IARS1: variants seen among roughly 807,000 people sequenced by gnomAD.
IARS1 encodes isoleucine--tRNA ligase, cytoplasmic.
Under a neutral mutation model 168.2 loss-of-function variants are expected in IARS1, and 124 were observed. That is an observed-to-expected ratio of 0.74 (90% CI 0.64 to 0.86). The LOEUF is 0.86. Among genes scored for constraint, IARS1 ranks in the 40% least tolerant of loss-of-function variants. The pLI is 0.00. For missense variants in IARS1, 1,452 were observed against 1,515.8 expected, an observed-to-expected ratio of 0.96 and a Z score of 0.70; for synonymous variants, 532 against 529.4, an observed-to-expected ratio of 1.00 and a Z score of -0.07.
At chr9:92,227,619 C>T (rs1395421667) in intron 31 of IARS1, among the ~76,000 whole-genome samples, 28 of 149,634 alleles carry the variant, frequency 1.9e-4, no homozygotes, top group African/African-American at 2.5e-4. Context: ...ACTTCTCAGA[C>T]GGGGCGGTTG....
intron 19 of IARS1, among the ~76,000 whole-genome samples, chr9:92,258,653 G>A (rs1335362858): frequency 6.6e-6 from 1 of 152,130 alleles, no homozygotes; most frequent in Admixed American, 6.5e-5. Context: ...GCAGGCTAGG[G>A]CCCATGGTCT....
At chr9:92,257,914 C>G (rs752024978) in intron 19 of IARS1, among the ~76,000 whole-genome samples, 2 of 152,144 alleles carry the variant, frequency 1.3e-5, no homozygotes, top group African/African-American at 4.8e-5. Context: ...AGGTGATGGA[C>G]GCTGACAATG....
rs902179726 is a variant in IARS1, at chr9:92,210,815, C to T, written c.3781G>A (p.Asp1261Asn). Reference sequence around the variant, plus strand: ...ACATTGATAAGTACATGCTAGAAGTCTGCTGTTGTTGGTAACACAGAAACA... The same window carrying T: ...ACATTGATAAGTACATGCTAGAAGTTTGCTGTTGTTGGTAACACAGAAACA... ...VYVSVLPTTADF is the reference protein window; with the variant it reads ...VYVSVLPTTANF Residue 1261 changes from aspartate (D) to asparagine (N), a missense_variant, in exon 34 of 34, where the codon GAC becomes AAC. Transcript: ENST00000443024. The T allele has an allele frequency of 6.2e-7, 1 of 1,603,114 alleles. No homozygotes were observed. Among genetic ancestry groups the T allele is most frequent in the African/African-American group, 1.3e-5 (1 of 74,672 alleles).
rs1564171483 is a variant in IARS1, at chr9:92,250,779, A to G, written c.2363T>C (p.Ile788Thr). 6.2e-7 allele frequency: 1 copy of G among 1,613,768 alleles called. No homozygotes were observed. The highest frequency in any genetic ancestry group is 1.1e-5 in the South Asian group (1 of 91,028). The part of the protein sequence containing the change: ...ELMYQNLKVL[I>T]DPVSVQDKDT... Reference sequence around the variant, plus strand: ...CTTGTCCTGAACAGAAACAGGGTCAATCAGCACCTTTAGATTCTGGTACAT... The same window carrying G: ...CTTGTCCTGAACAGAAACAGGGTCAGTCAGCACCTTTAGATTCTGGTACAT... Residue 788 changes from isoleucine to threonine, a missense_variant, in exon 23 of 34, where the codon ATT (isoleucine) becomes ACT (threonine). Coordinates refer to ENST00000443024, the MANE Select transcript of IARS1 (RefSeq NM_002161.6).
Position 92,282,839 on chromosome 9 carries a change from C to CACAT in IARS1, c.598-1947_598-1946insATGT, listed in dbSNP as rs1554730503. ...ATACTTACATATATACATACACACACATATATATATATATATATATATTTT... is the reference window on the plus strand; with the variant it reads ...ATACTTACATATATACATACACACACACATATATATATATATATATATATATTTT... On this transcript the variant is annotated intron_variant, in intron 6 of 33. Coordinates refer to ENST00000443024, the MANE Select transcript of IARS1 (RefSeq NM_002161.6). Among the ~76,000 whole-genome samples, 244 of 142,238 alleles carry CACAT rather than the reference C, an allele frequency of 1.7e-3. 1 individual carries two copies. Among genetic ancestry groups the CACAT allele is most frequent in the African/African-American group, 5.9e-3 (227 of 38,206 alleles). 93.3% of individuals were successfully genotyped at this position (142,238 alleles called of 152,430 possible).
rs137959266 is a variant in IARS1 at position 92,252,272 on chromosome 9, T to C, written c.2230-387A>G. 1.3e-5 allele frequency: 6 copies of C among 445,422 alleles called. No individual in the cohort carries two copies. The East Asian group carries it at 4.0e-4, about 29-fold the overall frequency. The allele number at this position is 445,422 out of a possible 1,614,324, so 27.6% of individuals were successfully genotyped here. A position where few individuals can be genotyped will look rare whatever the true frequency, so the allele number is the denominator to read the frequency against. ...TTAAATAAGATTTATGTTAAAAAAG[T>C]ATATAATGTGTATTAAAAAAAATAC... is the stretch of plus-strand genomic sequence containing the variant. On this transcript the variant is annotated intron_variant, in intron 21 of 33. Transcript: ENST00000443024.
intron 14 of IARS1, among the ~76,000 whole-genome samples, chr9:92,266,182 T>G (rs1238142441): frequency 6.6e-6 from 1 of 152,242 alleles, no homozygotes; most frequent in African/African-American, 2.4e-5. Context: ...GTTTATTATG[T>G]GCAAATTGTC....
Position 92,277,885 on chromosome 9 carries a change from G to A in IARS1, c.872C>T (p.Pro291Leu). 8 of 1,613,814 alleles carry A rather than the reference G, an allele frequency of 5.0e-6. No homozygotes were observed. Among genetic ancestry groups the A allele is most frequent in the Non-Finnish European group, 6.8e-6 (8 of 1,179,908 alleles). The change falls in exon 9 of 34, where the codon CCC becomes CTC. Residue 291 changes from proline (P) to leucine (L), a missense_variant. Physicochemically the swap from Pro to Leu is moderately conservative, Grantham distance 98. Coordinates refer to ENST00000443024, the MANE Select transcript of IARS1 (RefSeq NM_002161.6). ...GAYLKGKKYRPLFDYFLKCKE... is the reference protein window; with the variant it reads ...GAYLKGKKYRLLFDYFLKCKE... ...TACCTTCAGGAAATAGTCAAACAGG[G>A]GCCTGTACTTCTTGCCTTTAAGATA...
rs1168401021 is a variant in IARS1 at position 92,243,198 on chromosome 9, C to T, written c.3000+18G>A. 8 of 1,599,844 alleles carry T rather than the reference C, an allele frequency of 5.0e-6. No homozygotes were observed. Among genetic ancestry groups the T allele is most frequent in the Non-Finnish European group, 6.9e-6 (8 of 1,167,440 alleles). On this transcript the variant is annotated intron_variant, in intron 28 of 33. Coordinates refer to ENST00000443024, the MANE Select transcript of IARS1 (RefSeq NM_002161.6). ...CAAAAAGCCAAAACAGTAGCTTATT[C>T]TTAACTGACAAACTAACCTTTTTGC...
chr9:92,256,247 T>C (rs6479415), intron 20 of IARS1: 140,083 of 151,908 alleles, frequency 0.92, 64,727 homozygotes, highest in East Asian at 1. Flanking sequence ...AATCTCAACT[T>C]ACTGCAGCCT....
intron 20 of IARS1, among the ~76,000 whole-genome samples, chr9:92,254,813 G>C (rs563624898): frequency 6.6e-6 from 1 of 152,264 alleles, no homozygotes; most frequent in Admixed American, 6.5e-5. Flanking sequence ...GTGCTCCTGA[G>C]GGAGTGGAGG....
chr9:92,236,013 C>T (rs1827465539), intron 30 of IARS1, among the ~76,000 whole-genome samples: 1 of 151,610 alleles, frequency 6.6e-6, no homozygotes, highest in Non-Finnish European at 1.5e-5. Flanking sequence ...CAGAGTCTCG[C>T]TGTTGTCGGC....
intron 33 of IARS1, among the ~76,000 whole-genome samples, chr9:92,214,831 A>G (rs1050602886): frequency 5.9e-5 from 9 of 152,360 alleles, no homozygotes; most frequent in Non-Finnish European, 7.3e-5. Flanking sequence ...GCAAGGCGGC[A>G]GCAAGGCTGG....
intron 6 of IARS1, among the ~76,000 whole-genome samples, chr9:92,282,493 T>C (rs911000236): frequency 7.9e-5 from 12 of 151,844 alleles, no homozygotes; most frequent in African/African-American, 2.4e-4. Context: ...TAAAATTTTT[T>C]AGCACGGTGG....
chr9:92,236,377 G>A (rs1426353045), intron 30 of IARS1, among the ~76,000 whole-genome samples: 2 of 119,766 alleles, frequency 1.7e-5, no homozygotes, highest in East Asian at 4.4e-4. Flanking sequence ...TCTATTTTCT[G>A]GAAGAGTCTG....
chr9:92,260,025 C>A, intron 18 of IARS1, 126 bp downstream of exon 18: 1 of 665,766 alleles, frequency 1.5e-6, no homozygotes, highest in South Asian at 2.0e-5. Flanking sequence ...ACATAACATC[C>A]AAATAACAGA....
chr9:92,232,612 G>A (rs989059534), intron 30 of IARS1, among the ~76,000 whole-genome samples: 1 of 152,182 alleles, frequency 6.6e-6, no homozygotes, highest in Non-Finnish European at 1.5e-5. Context: ...AGGAATCTTG[G>A]AAAAGGAATT....
In IARS1 at chr9:92,222,340, C is replaced by CAAAAAAAAAAAAAAAAAAAAAAAAAAA. The variant is rs60335070; in HGVS notation, c.3706+179_3706+180insTTTTTTTTTTTTTTTTTTTTTTTTTTT. 3.6e-5 allele frequency among the ~76,000 whole-genome samples: 2 copies of CAAAAAAAAAAAAAAAAAAAAAAAAAAA among 55,372 alleles called. 1 individual carries two copies. The highest frequency in any genetic ancestry group is 6.4e-5 in the Non-Finnish European group (2 of 31,194). 36.3% of individuals were successfully genotyped at this position (55,372 alleles called of 152,430 possible). A position where few individuals can be genotyped will look rare whatever the true frequency, so the allele number is the denominator to read the frequency against. The stretch of plus-strand genomic sequence containing the variant: ...TGGGAGACAAAGTGAGACTCAGTCT[C>CAAAAAAAAAAAAAAAAAAAAAAAAAAA]AAAAAAAAAAAAAAAAAAAAAAAAA... On this transcript the variant is annotated intron_variant, in intron 33 of 33. Coordinates refer to ENST00000443024, the MANE Select transcript of IARS1 (RefSeq NM_002161.6).
In IARS1 at chr9:92,242,212, G is replaced by A. The variant is rs1828530603; in HGVS notation, c.3119C>T (p.Pro1040Leu). 3 of 1,614,084 alleles carry A rather than the reference G, an allele frequency of 1.9e-6. No homozygotes were observed. The highest frequency in any genetic ancestry group is 4.5e-5 in the East Asian group (2 of 44,876). ...TEFIFTTIKA[P>L]LKPYPVSPSD... The stretch of plus-strand genomic sequence containing the variant: ...TGGAGAAACTGGATATGGTTTCAAG[G>A]GAGCCTTTATGGTGGTAAATATGAA... The change falls in exon 29 of 34, where the codon CCC (proline) becomes CTC (leucine). Residue 1040 changes from proline (P) to leucine (L), a missense_variant. Transcript: ENST00000443024.
Sources: gnomAD v4.1 joint callset for allele counts (sites outside exome capture counted in the v4.1 genomes callset) on GRCh38, gnomAD v4.1.1 for gene constraint, MANE v1.5 for transcripts, NCBI Gene and HGNC (gene_info 2026-07-23, HGNC 2026-07-21) for gene names.